Variants in POLR2K observed in about 807,000 individuals in gnomAD.
POLR2K encodes the protein RNA polymerase II, I and III subunit K, also known as DNA-directed RNA polymerases I, II, and III subunit RPABC4.
Under a neutral mutation model 10.1 loss-of-function variants are expected in POLR2K, and 9 were observed. The ratio of observed to expected loss-of-function variants is 0.89; its 90% CI spans 0.54 to 1.56. The LOEUF (loss-of-function observed/expected upper bound fraction) is 1.56, where lower values mean the gene tolerates loss of function less well. POLR2K is among the 40% of genes most tolerant of loss of function. POLR2K has a pLI of 0.00. For missense variants in POLR2K, 53 were observed against 71.9 expected (o/e 0.74, Z 0.95); for synonymous variants, 19 against 20.3 (o/e 0.94, Z 0.17).
Position 100,151,891 on chromosome 8 carries a change from A to G in POLR2K, c.129A>G (p.Ile43Met), listed in dbSNP as rs1009385842. The G allele has an allele frequency of 1.3e-6, 2 of 1,508,994 alleles. No homozygotes were observed. Among genetic ancestry groups the G allele is most frequent in the Non-Finnish European group, 1.8e-6 (2 of 1,086,228 alleles). The allele number at this position is 1,508,994 out of a possible 1,614,324, so 93.5% of individuals were successfully genotyped here. The change falls in exon 3 of 4, where the codon ATA becomes ATG. Residue 43 changes from isoleucine (I) to methionine (M), a missense_variant. Coordinates refer to ENST00000353107, the MANE Select transcript of POLR2K (RefSeq NM_005034.4). ...PIRCRECGYR[I>M]MYKKRTKRLV... Reference sequence around the variant, plus strand: ...GATGCAGAGAATGTGGATACAGAATAATGTACAAGAAAAGGACTAAAAGAT... The same window carrying G: ...GATGCAGAGAATGTGGATACAGAATGATGTACAAGAAAAGGACTAAAAGAT...
At chr8:100,152,926 C>A (rs1386290447) in intron 3 of POLR2K, among the ~76,000 whole-genome samples, 3 of 152,034 alleles carry the variant, frequency 2.0e-5, no homozygotes, top group African/African-American at 7.2e-5. Context: ...CGCCACCATG[C>A]CCGGCTAATT....
chr8:100,152,144 A>G (rs1814928393), intron 3 of POLR2K: 1 of 578,588 alleles, frequency 1.7e-6, no homozygotes, highest in Admixed American at 3.6e-5. Flanking sequence ...TGTGCAGTCA[A>G]GCTTGAGGAT....
intron 3 of POLR2K, among the ~76,000 whole-genome samples, chr8:100,152,644 C>T (rs1814935119): frequency 6.6e-6 from 1 of 152,138 alleles, no homozygotes; most frequent in African/African-American, 2.4e-5. Context: ...CCAGCCTGGG[C>T]AACATAGTGT....
Position 100,153,353 on chromosome 8 carries a change from T to C in POLR2K, c.*37T>C. The C allele has an allele frequency of 6.3e-7, 1 of 1,582,818 alleles. No individual in the cohort carries two copies. Among genetic ancestry groups the C allele is most frequent in the Non-Finnish European group, 8.7e-7 (1 of 1,152,648 alleles). On this transcript the variant is annotated 3_prime_UTR_variant, in exon 4 of 4. Transcript: ENST00000353107. ...TCAGAGGAATGTCTTCACTTATACT[T>C]GGATTTGCTCTCTTCCCATTTCTGA...
At position 100,151,420 on chromosome 8, in the gene POLR2K, A is replaced by G. The variant is rs1410155966; in HGVS notation, c.61+4A>G. On this transcript the variant is annotated splice_donor_region_variant and intron_variant, in intron 2 of 3. Coordinates refer to ENST00000353107, the MANE Select transcript of POLR2K (RefSeq NM_005034.4). ...CCAATGATATATATCTGTGGAGGTA[A>G]GAGTAGCACTTACCTAAAGTAAGAA... The G allele has an allele frequency of 7.7e-6, 12 of 1,555,282 alleles. No individual in the cohort carries two copies. Among genetic ancestry groups the G allele is most frequent in the South Asian group, 1.1e-5 (1 of 89,854 alleles).
intron 3 of POLR2K, 115 bp downstream of exon 3, chr8:100,152,031 A>C (rs1317865238): frequency 1.5e-6 from 1 of 674,686 alleles, no homozygotes; most frequent in Non-Finnish European, 2.6e-6. Flanking sequence ...AGTACTTAAA[A>C]AACAAACATG....
chr8:100,151,927 A>AG lies in POLR2K; in HGVS notation c.154+11_154+12insG. ...AAAGGACTAAAAGATGTATCCTTTT[A>AG]ACGATGCTTTCTAAATATGAGTTAG... is the stretch of plus-strand genomic sequence containing the variant. On this transcript the variant is annotated intron_variant, in intron 3 of 3. Transcript: ENST00000353107. 1 of 1,162,850 alleles carries AG rather than the reference A, an allele frequency of 8.6e-7. No homozygotes were observed. The highest frequency in any genetic ancestry group is 1.3e-6 in the Non-Finnish European group (1 of 770,852). 72.0% of individuals were successfully genotyped at this position (1,162,850 alleles called of 1,614,324 possible).
chr8:100,152,550 A>AATTGT (rs1324214828), intron 3 of POLR2K, among the ~76,000 whole-genome samples: 1 of 152,182 alleles, frequency 6.6e-6, no homozygotes, highest in Non-Finnish European at 1.5e-5. Flanking sequence ...TGGGCATACA[A>AATTGT]ATTGTTCAAA....
rs763886249 is a variant in POLR2K at position 100,153,246 on chromosome 8, TTAA to T, written c.155-43_155-41del. On this transcript the variant is annotated intron_variant, in intron 3 of 3. Transcript: ENST00000353107. ...GAAAGTGACTTTGAAACCTTCAGTCTTAATAATGTTTAAGTACCGTTTTTGTCC... is the reference window on the plus strand; with the variant it reads ...GAAAGTGACTTTGAAACCTTCAGTCTTAATGTTTAAGTACCGTTTTTGTCC... The T allele has an allele frequency of 4.1e-6, 6 of 1,453,700 alleles. No homozygotes were observed. In the African/African-American group the frequency reaches 4.2e-5, roughly 10 times the overall value. 90.1% of individuals were successfully genotyped at this position (1,453,700 alleles called of 1,614,324 possible).
At chr8:100,151,458 GT>G in intron 2 of POLR2K, 42 bp downstream of exon 2, 2 of 1,276,456 alleles carry the variant, frequency 1.6e-6, no homozygotes, top group Non-Finnish European at 2.3e-6. Flanking sequence ...TTTTATTTAA[GT>G]TTTTTTGAAA....
rs752020073 is a variant in POLR2K at position 100,153,323 on chromosome 8, G to A, written c.*7G>A. On this transcript the variant is annotated 3_prime_UTR_variant, in exon 4 of 4. Transcript: ENST00000353107. Reference sequence around the variant, plus strand: ...CGTTTTTGATGCTCGATGAATGCTGGGAATTCAGAGGAATGTCTTCACTTA... The same window carrying A: ...CGTTTTTGATGCTCGATGAATGCTGAGAATTCAGAGGAATGTCTTCACTTA... The A allele has an allele frequency of 5.6e-6, 9 of 1,603,324 alleles. No individual in the cohort carries two copies. The East Asian group carries it at 1.6e-4, about 28-fold the overall frequency.
In POLR2K at chr8:100,151,882, A is replaced by G; in HGVS notation, c.120A>G (p.Gly40=). ...ATCCAATCAGATGCAGAGAATGTGG[A>G]TACAGAATAATGTACAAGAAAAGGA... ...SRDPIRCREC[G]YRIMYKKRTK... is the part of the protein sequence containing the mutation. Residue 40 remains glycine, a synonymous_variant, in exon 3 of 4, where the codon GGA becomes GGG. Coordinates refer to ENST00000353107, the MANE Select transcript of POLR2K (RefSeq NM_005034.4). The G allele has an allele frequency of 6.5e-7, 1 of 1,535,880 alleles. No homozygotes were observed. The highest frequency in any genetic ancestry group is 9.0e-7 in the Non-Finnish European group (1 of 1,110,492).
rs1245741044 is a variant in POLR2K at position 100,151,395 on chromosome 8, C to T, written c.40C>T (p.Pro14Ser). 1 of 1,606,804 alleles carries T rather than the reference C, an allele frequency of 6.2e-7. No individual in the cohort carries two copies. Among genetic ancestry groups the T allele is most frequent in the South Asian group, 1.1e-5 (1 of 90,952 alleles). Reference protein sequence around the residue: ...QKDVQPPKQQPMIYICGECHT... With the variant: ...QKDVQPPKQQSMIYICGECHT... Reference sequence around the variant, plus strand: ...GGACGTTCAACCTCCAAAGCAGCAACCAATGATATATATCTGTGGAGGTAA... The same window carrying T: ...GGACGTTCAACCTCCAAAGCAGCAATCAATGATATATATCTGTGGAGGTAA... The change falls in exon 2 of 4, where the codon CCA (proline) becomes TCA (serine). Residue 14 changes from proline to serine, a missense_variant. By Grantham distance (74) the Pro-to-Ser change is moderately conservative. Transcript: ENST00000353107.
rs1205481491 is a variant in POLR2K at position 100,153,486 on chromosome 8, T to C, written c.*170T>C. The stretch of plus-strand genomic sequence containing the variant: ...GAAACCTCAAACAGTACCAAACCTT[T>C]ATACACTGTTTTTTCCATATATATA... On this transcript the variant is annotated 3_prime_UTR_variant, in exon 4 of 4. Transcript: ENST00000353107. 3 of 537,252 alleles carry C rather than the reference T, an allele frequency of 5.6e-6. No individual in the cohort carries two copies. The highest frequency in any genetic ancestry group is 3.9e-5 in the African/African-American group (2 of 51,226). 33.3% of individuals were successfully genotyped at this position (537,252 alleles called of 1,614,324 possible).
chr8:100,153,176 T>C, intron 3 of POLR2K, 118 bp from the exon 4 acceptor site: 1 of 711,736 alleles, frequency 1.4e-6, no homozygotes, highest in Non-Finnish European at 2.4e-6. Flanking sequence ...AATTCCATTC[T>C]TTTTTGCATT....
Position 100,151,831 on chromosome 8 carries a change from C to T in POLR2K, c.69C>T (p.His23=), listed in dbSNP as rs1209347418. ...QPMIYICGEC[H]TENEIKSRDP... The stretch of plus-strand genomic sequence containing the variant: ...TTTTTTTTTTAATTCTAGAGTGTCA[C>T]ACAGAAAATGAAATAAAATCTAGGG... The change falls in exon 3 of 4, where the codon CAC becomes CAT. Residue 23 remains histidine, a synonymous_variant. Coordinates refer to ENST00000353107, the MANE Select transcript of POLR2K (RefSeq NM_005034.4). 6.6e-7 allele frequency: 1 copy of T among 1,503,892 alleles called. No homozygotes were observed. Among genetic ancestry groups the T allele is most frequent in the Admixed American group, 1.9e-5 (1 of 53,302 alleles). 93.2% of individuals were successfully genotyped at this position (1,503,892 alleles called of 1,614,324 possible).
intron 3 of POLR2K, chr8:100,152,199 C>T (rs922859548): frequency 9.2e-6 from 5 of 541,292 alleles, no homozygotes; most frequent in African/African-American, 7.8e-5. Context: ...TTTCATCATT[C>T]CTACAGAAAC....
Position 100,151,930 on chromosome 8 carries a change from G to C in POLR2K, c.154+14G>C. The C allele has an allele frequency of 1.8e-6, 2 of 1,134,424 alleles. No homozygotes were observed. The highest frequency in any genetic ancestry group is 2.7e-6 in the Non-Finnish European group (2 of 745,396). 70.3% of individuals were successfully genotyped at this position (1,134,424 alleles called of 1,614,324 possible). A position where few individuals can be genotyped will look rare whatever the true frequency, so the allele number is the denominator to read the frequency against. The stretch of plus-strand genomic sequence containing the variant: ...GGACTAAAAGATGTATCCTTTTAAC[G>C]ATGCTTTCTAAATATGAGTTAGGAG... On this transcript the variant is annotated intron_variant, in intron 3 of 3. Transcript: ENST00000353107.
Position 100,153,473 on chromosome 8 carries a change from A to G in POLR2K, c.*157A>G, listed in dbSNP as rs1814946827. The G allele has an allele frequency of 1.6e-6, 1 of 636,736 alleles. No homozygotes were observed. Among genetic ancestry groups the G allele is most frequent in the Non-Finnish European group, 2.8e-6 (1 of 358,528 alleles). The allele number at this position is 636,736 out of a possible 1,614,324, so 39.4% of individuals were successfully genotyped here. A position where few individuals can be genotyped will look rare whatever the true frequency, so the allele number is the denominator to read the frequency against. On this transcript the variant is annotated 3_prime_UTR_variant, in exon 4 of 4. Transcript: ENST00000353107. ...CCAGTGAACTCCTGAAACCTCAAAC[A>G]GTACCAAACCTTTATACACTGTTTT...
Sources: allele counts gnomAD v4.1 joint callset (sites outside exome capture counted in the v4.1 genomes callset), GRCh38; gene constraint gnomAD v4.1.1; transcripts MANE v1.5; gene names NCBI Gene and HGNC (gene_info 2026-07-23, HGNC 2026-07-21).